The following ZFYVE21 variants were observed in gnomAD, a reference collection of about 807,000 sequenced individuals.
The protein encoded by ZFYVE21 is zinc finger FYVE domain-containing protein 21.
In ZFYVE21, 21 loss-of-function variants were observed where a neutral mutation model predicts 29.5. That is an observed-to-expected ratio of 0.71 (90% CI 0.50 to 1.02). ZFYVE21 has a LOEUF of 1.02. Ranked by LOEUF, ZFYVE21 falls within the 50% of genes least tolerant of loss-of-function variation. The probability of loss-of-function intolerance (pLI) is 0.00; values close to 1 mark genes in which losing one functional copy is unlikely to be tolerated. For synonymous variants in ZFYVE21, 151 were observed against 133.8 expected, an observed-to-expected ratio of 1.13 and a Z score of -0.89; for missense variants, 326 against 335.4, an observed-to-expected ratio of 0.97 and a Z score of 0.22.
At chr14:103,723,030 C>T (rs183673974) in intron 1 of ZFYVE21, among the ~76,000 whole-genome samples, 269 of 152,344 alleles carry the variant, frequency 1.8e-3, no homozygotes, top group Middle Eastern at 6.8e-3. Context: ...AGTCCTCTTT[C>T]ACCACCGTCT....
At position 103,715,829 on chromosome 14, in the gene ZFYVE21, C is replaced by G. The variant is rs1008267892; in HGVS notation, c.-13C>G. The G allele has an allele frequency of 1.9e-5, 27 of 1,388,372 alleles. No homozygotes were observed. Among genetic ancestry groups the G allele is most frequent in the Non-Finnish European group, 2.5e-5 (27 of 1,063,812 alleles). 86.0% of individuals were successfully genotyped at this position (1,388,372 alleles called of 1,614,324 possible). Reference sequence around the variant, plus strand: ...GGGTGCGGGGCCGCTGGCCGAGAGGCTGAGGCGGCGTCATGTCCTCCGAGG... The same window carrying G: ...GGGTGCGGGGCCGCTGGCCGAGAGGGTGAGGCGGCGTCATGTCCTCCGAGG... On this transcript the variant is annotated 5_prime_UTR_variant, in exon 1 of 7. Coordinates refer to ENST00000311141, the MANE Select transcript of ZFYVE21 (RefSeq NM_024071.4).
chr14:103,720,018 G>A (rs1041892191), intron 1 of ZFYVE21, among the ~76,000 whole-genome samples: 1 of 152,138 alleles, frequency 6.6e-6, no homozygotes, highest in Non-Finnish European at 1.5e-5. Context: ...CAAACTGTCT[G>A]ACAGCTTCAA....
intron 5 of ZFYVE21, 91 bp from the exon 6 acceptor site, chr14:103,732,529 T>G: frequency 6.9e-7 from 1 of 1,451,420 alleles, no homozygotes; most frequent in African/African-American, 1.4e-5. Flanking sequence ...CAGCACAAGG[T>G]TAGGATGTGC....
chr14:103,721,118 C>G (rs954929412), intron 1 of ZFYVE21, among the ~76,000 whole-genome samples: 1 of 152,184 alleles, frequency 6.6e-6, no homozygotes, highest in Non-Finnish European at 1.5e-5. Flanking sequence ...GGCCACCACG[C>G]CTGACCTGGT....
chr14:103,720,823 TTC>T (rs1404357501), intron 1 of ZFYVE21, among the ~76,000 whole-genome samples: 3 of 151,996 alleles, frequency 2.0e-5, no homozygotes, highest in South Asian at 2.1e-4. Context: ...GCTTCATGAT[TTC>T]TGTTTTTTGT....
chr14:103,725,167 T>TGCGCTCGTGCC (rs776948849), intron 1 of ZFYVE21: 2 of 152,298 alleles, frequency 1.3e-5, no homozygotes, highest in Non-Finnish European at 2.9e-5. Flanking sequence ...GTCCTCGTGC[T>TGCGCTCGTGCC]GCGCTCGTGC....
At chr14:103,718,553 G>A (rs1310195208) in intron 1 of ZFYVE21, among the ~76,000 whole-genome samples, 3 of 152,188 alleles carry the variant, frequency 2.0e-5, no homozygotes, top group East Asian at 1.9e-4. Context: ...AGCTTCGTGC[G>A]ACACCACTTT....
At position 103,716,173 on chromosome 14, in the gene ZFYVE21, G is replaced by A. The variant is rs923616760; in HGVS notation, c.138+194G>A. Among the ~76,000 whole-genome samples the A allele has an allele frequency of 2.0e-5, 3 of 151,726 alleles. No homozygotes were observed. Among genetic ancestry groups the A allele is most frequent in the Non-Finnish European group, 1.5e-5 (1 of 67,900 alleles). ...CTCAGGCTCCTACGCCCGCGGGGAGGGCGGGAGGCGCGCGGTGTCCCGGTG... is the reference window on the plus strand; with the variant it reads ...CTCAGGCTCCTACGCCCGCGGGGAGAGCGGGAGGCGCGCGGTGTCCCGGTG... On this transcript the variant is annotated intron_variant, in intron 1 of 6. Transcript: ENST00000311141. The surrounding 1 kb of genome is among the most constrained non-coding windows in gnomAD (Gnocchi z 4.8).
At chr14:103,730,036 G>A in intron 5 of ZFYVE21, 1 of 636,666 alleles carries the variant, frequency 1.6e-6, no homozygotes, top group Non-Finnish European at 2.6e-6. Context: ...TGAAGATACC[G>A]CAGCAGATGT....
chr14:103,723,722 A>T (rs1337349447), intron 1 of ZFYVE21, among the ~76,000 whole-genome samples: 2 of 151,884 alleles, frequency 1.3e-5, no homozygotes, highest in Non-Finnish European at 1.5e-5. Flanking sequence ...GCCCCATAGG[A>T]CTCCTTCCAG....
chr14:103,731,982 G>A (rs2151953695), intron 5 of ZFYVE21: 1 of 152,456 alleles, frequency 6.6e-6, no homozygotes, highest in Admixed American at 6.5e-5. Flanking sequence ...CGGGGAGCCT[G>A]GGTCCCAGAG....
intron 2 of ZFYVE21, 169 bp downstream of exon 2, chr14:103,727,011 T>C (rs1356634081): frequency 1.1e-5 from 7 of 630,178 alleles, no homozygotes; most frequent in Middle Eastern, 4.7e-4. Context: ...AGTGGCTCCA[T>C]CTCGGCTCAC....
intron 2 of ZFYVE21, 138 bp from the exon 3 acceptor site, chr14:103,727,608 G>A: frequency 5.4e-6 from 6 of 1,107,772 alleles, no homozygotes; most frequent in Non-Finnish European, 7.9e-6. Context: ...CTGGCGACAG[G>A]AGGTGCGCGT....
At chr14:103,729,932 T>C in intron 5 of ZFYVE21, 4 of 1,447,326 alleles carry the variant, frequency 2.8e-6, no homozygotes, top group Non-Finnish European at 3.7e-6. Context: ...CACGGGGTGG[T>C]CCATGCCAAG....
intron 2 of ZFYVE21, chr14:103,727,290 A>AAGTGACTGTGCG: frequency 2.8e-6 from 1 of 360,220 alleles, no homozygotes; most frequent in Admixed American, 3.9e-5. Flanking sequence ...TTTCCGTGGA[A>AAGTGACTGTGCG]AGTGACTGTG....
intron 1 of ZFYVE21, among the ~76,000 whole-genome samples, chr14:103,722,351 CTTTTTTTTTTTT>C (rs34926725): frequency 2.8e-5 from 3 of 108,372 alleles, no homozygotes; most frequent in African/African-American, 1.1e-4. Context: ...TGGTCTGTCT[CTTTTTTTTTTTT>C]TTTTTTTTTG....
Position 103,727,875 on chromosome 14 carries a change from G to T in ZFYVE21, c.319G>T (p.Ala107Ser), listed in dbSNP as rs564274565. Reference sequence around the variant, plus strand: ...GTGCGCCCTCGTGTCCCTCAAGGAGGCGGAGTTCTACGACAAGCAGCTCAA... The same window carrying T: ...GTGCGCCCTCGTGTCCCTCAAGGAGTCGGAGTTCTACGACAAGCAGCTCAA... ...AECALVSLKE[A>S]EFYDKQLKVL... The change falls in exon 3 of 7, where the codon GCG (alanine) becomes TCG (serine). Residue 107 changes from alanine to serine, a missense_variant. Physicochemically the swap from Ala to Ser is moderately conservative, Grantham distance 99 (BLOSUM62 1). Coordinates refer to ENST00000311141, the MANE Select transcript of ZFYVE21 (RefSeq NM_024071.4). The T allele has an allele frequency of 6.2e-7, 1 of 1,613,084 alleles. No individual in the cohort carries two copies. The highest frequency in any genetic ancestry group is 1.1e-5 in the South Asian group (1 of 91,074).
intron 5 of ZFYVE21, chr14:103,730,140 C>A: frequency 2.6e-6 from 1 of 386,212 alleles, no homozygotes; most frequent in Non-Finnish European, 4.7e-6. Flanking sequence ...GGCCAGGGGG[C>A]GTGGGGGCTC....
Position 103,726,952 on chromosome 14 carries a change from T to TTTTTTTTG in ZFYVE21, c.189+117_189+118insGTTTTTTT. Reference sequence around the variant, plus strand: ...ACGGATGTCATCTTATGGCTCGTTTTTTTTTTTTTTGAGACGGAGTTTCGC... The same window carrying TTTTTTTTG: ...ACGGATGTCATCTTATGGCTCGTTTTTTTTTTTGTTTTTTTTTTGAGACGGAGTTTCGC... On this transcript the variant is annotated intron_variant, in intron 2 of 6. Transcript: ENST00000311141. 2.6e-5 allele frequency: 31 copies of TTTTTTTTG among 1,214,950 alleles called. 1 individual carries two copies. Among genetic ancestry groups the TTTTTTTTG allele is most frequent in the South Asian group, 4.0e-5 (3 of 74,798 alleles). The allele number at this position is 1,214,950 out of a possible 1,614,324, so 75.3% of individuals were successfully genotyped here. A position where few individuals can be genotyped will look rare whatever the true frequency, so the allele number is the denominator to read the frequency against.
Sources: gnomAD v4.1 joint callset for allele counts (sites outside exome capture counted in the v4.1 genomes callset) on GRCh38, gnomAD v4.1.1 for gene constraint, Gnocchi (gnomAD v3.1) non-coding constraint, MANE v1.5 for transcripts, NCBI Gene and HGNC (gene_info 2026-07-23, HGNC 2026-07-21) for gene names.